SHANK2: variants seen among roughly 807,000 people sequenced by gnomAD.
The protein encoded by SHANK2 is SH3 and multiple ankyrin repeat domains protein 2.
SHANK2 carries 43 observed loss-of-function variants against 133.7 expected under a neutral mutation model. The observed-to-expected ratio is 0.32, with a 90% CI of 0.25 to 0.41. SHANK2 has a LOEUF of 0.41. SHANK2 is among the 10% of genes least tolerant of loss of function. The pLI, the probability that SHANK2 is intolerant of heterozygous loss-of-function variation, is 1.00. For missense variants in SHANK2, 1,994 were observed against 2,235.8 expected, an observed-to-expected ratio of 0.89 and a Z score of 2.18; for synonymous variants, 1,017 against 952.8, an observed-to-expected ratio of 1.07 and a Z score of -1.24.
At chr11:70,867,933 A>T (rs1376426085) in intron 11 of SHANK2, among the ~76,000 whole-genome samples, 1 of 152,188 alleles carries the variant, frequency 6.6e-6, no homozygotes, top group Non-Finnish European at 1.5e-5. Context: ...TGTGTTTGCT[A>T]CCACTTAATT....
intron 11 of SHANK2, among the ~76,000 whole-genome samples, chr11:70,840,926 A>G (rs1018676440): frequency 3.3e-5 from 5 of 152,162 alleles, no homozygotes; most frequent in Admixed American, 1.3e-4. Context: ...TTCACCTGAG[A>G]AACACTCTGG....
intron 17 of SHANK2, among the ~76,000 whole-genome samples, chr11:70,628,055 C>G (rs1591669341): frequency 6.6e-6 from 1 of 152,140 alleles, no homozygotes; most frequent in South Asian, 2.1e-4. Context: ...GGCCTTCCAG[C>G]TTCAAGCGAT....
At chr11:70,600,418 C>CAAAAAAAAAAAAAA (rs56103044) in intron 17 of SHANK2, among the ~76,000 whole-genome samples, 3 of 95,464 alleles carry the variant, frequency 3.1e-5, no homozygotes, top group Non-Finnish European at 4.1e-5. Context: ...GACTCTGTCT[C>CAAAAAAAAAAAAAA]AAAAAAAAAA....
chr11:71,108,940 C>CA, intron 6 of SHANK2, among the ~76,000 whole-genome samples: 1 of 152,152 alleles, frequency 6.6e-6, no homozygotes, highest in Non-Finnish European at 1.5e-5. Flanking sequence ...CCAGCGGGCC[C>CA]CCCCCCAGCG....
chr11:70,867,950 C>T (rs1422482793), intron 11 of SHANK2, among the ~76,000 whole-genome samples: 3 of 152,256 alleles, frequency 2.0e-5, no homozygotes, highest in Non-Finnish European at 4.4e-5. Flanking sequence ...AATTCCATCA[C>T]TGACTGTGCC....
Position 70,500,352 on chromosome 11 carries a change from A to T in SHANK2, c.2308+218T>A, listed in dbSNP as rs547151261. 2.6e-5 allele frequency among the ~76,000 whole-genome samples: 4 copies of T among 152,188 alleles called. No individual in the cohort carries two copies. The highest frequency in any genetic ancestry group is 7.2e-5 in the African/African-American group (3 of 41,516). ...CGATGTGAACACAGGTCAGGGAAGA[A>T]ACACAGGACACGCTGGGGAATCACA... On this transcript the variant is annotated intron_variant, in intron 21 of 25. Coordinates refer to ENST00000601538, the MANE Select transcript of SHANK2 (RefSeq NM_012309.5). The surrounding 1 kb of genome is among the most constrained non-coding windows in gnomAD (Gnocchi z 4.5).
rs185615326 is a variant in SHANK2, at chr11:71,191,203, C to T, written c.-13+33494G>A. 2.4e-4 allele frequency among the ~76,000 whole-genome samples: 37 copies of T among 152,146 alleles called. No homozygotes were observed. In the East Asian group the frequency reaches 6.2e-3, roughly 26 times the overall value. ...AAGAAAAAAAAAATGCAAAAATGAA[C>T]GCAGCACACTCAGCTGTATCCCCAT... On this transcript the variant is annotated intron_variant, in intron 2 of 25. Coordinates refer to ENST00000601538, the MANE Select transcript of SHANK2 (RefSeq NM_012309.5).
chr11:70,662,898 A>C (rs1555013874), intron 15 of SHANK2, among the ~76,000 whole-genome samples: 1 of 152,012 alleles, frequency 6.6e-6, no homozygotes, highest in Admixed American at 6.6e-5. Context: ...CGGGGGCAGA[A>C]GGGGAGTGAG....
chr11:71,201,040 G>A (rs886121657), intron 2 of SHANK2, among the ~76,000 whole-genome samples: 4 of 151,956 alleles, frequency 2.6e-5, no homozygotes, highest in Non-Finnish European at 5.9e-5. Context: ...CCCCCACACC[G>A]ACCTCCCCCG....
At chr11:71,178,531 G>A (rs1343231109) in intron 2 of SHANK2, among the ~76,000 whole-genome samples, 4 of 152,172 alleles carry the variant, frequency 2.6e-5, no homozygotes, top group South Asian at 2.1e-4. Context: ...TGTTGTGAAT[G>A]TATTTAATAC....
intron 9 of SHANK2, among the ~76,000 whole-genome samples, chr11:71,061,858 C>T (rs1015659080): frequency 3.9e-5 from 6 of 152,146 alleles, no homozygotes; most frequent in African/African-American, 1.2e-4. Context: ...GCCCTTCCCC[C>T]GCTCTGCCCC....
intron 14 of SHANK2, among the ~76,000 whole-genome samples, chr11:70,795,693 A>C (rs1947895483): frequency 6.6e-6 from 1 of 152,170 alleles, no homozygotes; most frequent in South Asian, 2.1e-4. Context: ...GGTGTGAGTC[A>C]CTGCACCTGG....
At chr11:70,863,600 A>G (rs1282120409) in intron 11 of SHANK2, 3 of 452,086 alleles carry the variant, frequency 6.6e-6, no homozygotes, top group Non-Finnish European at 1.3e-5. Context: ...GCTGGTGCAA[A>G]CGGAGCTTTG....
chr11:70,490,972 G>C (rs1249822068), intron 22 of SHANK2, among the ~76,000 whole-genome samples: 9 of 152,224 alleles, frequency 5.9e-5, no homozygotes, highest in Non-Finnish European at 8.8e-5. Context: ...GGCACAGCCT[G>C]GAGTCTGCAG....
rs1462638905 is a variant in SHANK2, at chr11:70,500,152, G to A, written c.2308+418C>T. Among the ~76,000 whole-genome samples, 1 of 152,022 alleles carries A rather than the reference G, an allele frequency of 6.6e-6. No homozygotes were observed. Among genetic ancestry groups the A allele is most frequent in the African/African-American group, 2.4e-5 (1 of 41,352 alleles). On this transcript the variant is annotated intron_variant, in intron 21 of 25. Coordinates refer to ENST00000601538, the MANE Select transcript of SHANK2 (RefSeq NM_012309.5). This position sits in a 1 kb window ranked among gnomAD's most constrained non-coding sequence, Gnocchi z 4.5. ...CCTTCTAGTGCCCCACAGGGCACAG[G>A]GCAGCCTCTTGGGGAATGGGTGATT...
intron 2 of SHANK2, among the ~76,000 whole-genome samples, chr11:71,182,779 G>A (rs1953585629): frequency 1.3e-5 from 2 of 152,204 alleles, no homozygotes; most frequent in Non-Finnish European, 2.9e-5. Flanking sequence ...CATAATGGAA[G>A]ATATGGTGTT....
chr11:71,065,831 C>G (rs1197355933), intron 9 of SHANK2, among the ~76,000 whole-genome samples: 108 of 35,050 alleles, frequency 3.1e-3, no homozygotes, highest in African/African-American at 3.5e-3. Flanking sequence ...AAGTTGGGGG[C>G]GGGGCATACA....
At chr11:70,679,823 G>A (rs1555018001) in intron 15 of SHANK2, among the ~76,000 whole-genome samples, 2 of 152,192 alleles carry the variant, frequency 1.3e-5, no homozygotes, top group East Asian at 1.9e-4. Flanking sequence ...AACTAGAACC[G>A]GTGCCCCTCC....
intron 20 of SHANK2, among the ~76,000 whole-genome samples, chr11:70,501,454 G>A (rs1450638855): frequency 2.6e-5 from 4 of 152,208 alleles, no homozygotes; most frequent in African/African-American, 7.2e-5. Context: ...TCGTTTCTGC[G>A]CCCATGTAAG....
Sources: gnomAD v4.1 joint callset for allele counts (sites outside exome capture counted in the v4.1 genomes callset) on GRCh38, gnomAD v4.1.1 for gene constraint, Gnocchi (gnomAD v3.1) non-coding constraint, MANE v1.5 for transcripts, NCBI Gene and HGNC (gene_info 2026-07-23, HGNC 2026-07-21) for gene names.